Variants in CD38 observed in about 807,000 individuals in gnomAD.
The protein encoded by CD38 is ADP-ribosyl cyclase/cyclic ADP-ribose hydrolase 1.
CD38 carries 31 observed loss-of-function variants against 36.3 expected under a neutral mutation model. The ratio of observed to expected loss-of-function variants is 0.85; its 90% CI spans 0.64 to 1.15. CD38 has a LOEUF of 1.15. Ranked by LOEUF, CD38 falls within the 50% of genes most tolerant of loss-of-function variation. The pLI is 0.00. For missense variants in CD38, 380 were observed against 371.9 expected, an observed-to-expected ratio of 1.02 and a Z score of -0.18; for synonymous variants, 131 against 135.2, an observed-to-expected ratio of 0.97 and a Z score of 0.22.
Position 15,839,377 on chromosome 4 carries a change from T to A in CD38, c.660-649T>A, listed in dbSNP as rs991763264. Among the ~76,000 whole-genome samples the A allele has an allele frequency of 2.6e-5, 4 of 150,944 alleles. No individual in the cohort carries two copies. The South Asian group carries it at 8.4e-4, about 32-fold the overall frequency. On this transcript the variant is annotated intron_variant, in intron 5 of 7. Transcript: ENST00000226279. Reference sequence around the variant, plus strand: ...CACGTGGGGATTGTTCAACTGCAGATCATTTCAGCAGGTTATAGTGGTTGA... The same window carrying A: ...CACGTGGGGATTGTTCAACTGCAGAACATTTCAGCAGGTTATAGTGGTTGA...
intron 1 of CD38, among the ~76,000 whole-genome samples, chr4:15,802,487 G>GTTTTAT (rs1553873239): frequency 3.3e-5 from 4 of 122,178 alleles, no homozygotes; most frequent in Non-Finnish European, 7.6e-5. Context: ...CAAAGCAATT[G>GTTTTAT]TTTGTTTTAT....
chr4:15,790,458 G>C (rs1293671661), intron 1 of CD38, among the ~76,000 whole-genome samples: 2 of 151,998 alleles, frequency 1.3e-5, no homozygotes, highest in Non-Finnish European at 2.9e-5. Flanking sequence ...GATTGCGGAC[G>C]GAGTCTCGTT....
chr4:15,816,979 A>G (rs1163418516), intron 2 of CD38, among the ~76,000 whole-genome samples: 1 of 152,232 alleles, frequency 6.6e-6, no homozygotes, highest in African/African-American at 2.4e-5. Context: ...CTGACCTATG[A>G]TAATAATAGT....
chr4:15,830,120 G>T (rs1034427107), intron 3 of CD38, among the ~76,000 whole-genome samples: 3 of 152,166 alleles, frequency 2.0e-5, no homozygotes, highest in East Asian at 3.9e-4. Flanking sequence ...CAGTGGCATT[G>T]CTGGATCATA....
chr4:15,778,540 C>T lies in CD38; in HGVS notation c.126C>T (p.Val42=), dbSNP rs770704687. 1 of 1,613,250 alleles carries T rather than the reference C, an allele frequency of 6.2e-7. No individual in the cohort carries two copies. Among genetic ancestry groups the T allele is most frequent in the Non-Finnish European group, 8.5e-7 (1 of 1,179,970 alleles). The stretch of plus-strand genomic sequence containing the variant: ...TCCTCGTCGTGGTGCTCGCGGTGGT[C>T]GTCCCGAGGTGGCGCCAGCAGTGGA... The part of the protein sequence containing the change: ...VLILVVVLAV[V]VPRWRQQWSG... The change falls in exon 1 of 8, where the codon GTC becomes GTT. Residue 42 remains valine, a synonymous_variant. Transcript: ENST00000226279. The surrounding 1 kb of genome is among the most constrained non-coding windows in gnomAD (Gnocchi z 4.9).
chr4:15,830,767 A>G (rs796615538), intron 3 of CD38, among the ~76,000 whole-genome samples: 12 of 151,830 alleles, frequency 7.9e-5, no homozygotes, highest in African/African-American at 2.2e-4. Flanking sequence ...ATCTATTTTG[A>G]TTTTATTTTT....
At chr4:15,792,616 T>A (rs1008679887) in intron 1 of CD38, among the ~76,000 whole-genome samples, 41 of 152,168 alleles carry the variant, frequency 2.7e-4, no homozygotes, top group African/African-American at 9.9e-4. Context: ...ATTCTGCTGT[T>A]CTTATTTCAT....
rs1723257238 is a variant in CD38 at position 15,802,740 on chromosome 4, T to G, written c.234-13771T>G. The stretch of plus-strand genomic sequence containing the variant: ...CCCTATTTTTAGTAGAGATAGGGTT[T>G]CACCATGTTGGCCAGGCTGGTCTCA... On this transcript the variant is annotated intron_variant, in intron 1 of 7. Transcript: ENST00000226279. 2.0e-5 allele frequency among the ~76,000 whole-genome samples: 3 copies of G among 151,978 alleles called. No individual in the cohort carries two copies. In the South Asian group the frequency reaches 6.2e-4, roughly 32 times the overall value.
chr4:15,781,057 A>G (rs1722685461), intron 1 of CD38, among the ~76,000 whole-genome samples: 1 of 152,132 alleles, frequency 6.6e-6, no homozygotes, highest in African/African-American at 2.4e-5. Flanking sequence ...GCACTGAACC[A>G]AGATCCAGCC....
intron 7 of CD38, 30 bp from the exon 8 acceptor site, chr4:15,848,509 T>C (rs1436895681): frequency 1.3e-6 from 2 of 1,583,072 alleles, no homozygotes; most frequent in South Asian, 1.1e-5. Context: ...CTACGGTCTC[T>C]TGATTTCCTT....
At chr4:15,803,641 C>A (rs529062904) in intron 1 of CD38, among the ~76,000 whole-genome samples, 2 of 152,096 alleles carry the variant, frequency 1.3e-5, no homozygotes, top group South Asian at 2.1e-4. Context: ...AGCAAGAATG[C>A]AGATAAAAGG....
chr4:15,789,434 A>G (rs1722909543), intron 1 of CD38, among the ~76,000 whole-genome samples: 1 of 152,220 alleles, frequency 6.6e-6, no homozygotes, highest in East Asian at 1.9e-4. Context: ...ATCTTGAGGC[A>G]CCGAGTACAT....
intron 3 of CD38, among the ~76,000 whole-genome samples, chr4:15,826,648 G>C (rs1577655064): frequency 6.6e-6 from 1 of 151,978 alleles, no homozygotes; most frequent in Non-Finnish European, 1.5e-5. Flanking sequence ...GCTCATACCT[G>C]CAATCCCAGC....
intron 2 of CD38, 168 bp downstream of exon 2, chr4:15,816,808 A>AC: frequency 5.7e-6 from 4 of 702,806 alleles, no homozygotes; most frequent in Non-Finnish European, 1.0e-5. Flanking sequence ...GCCATGATAT[A>AC]ATTAAGATTT....
intron 3 of CD38, among the ~76,000 whole-genome samples, chr4:15,827,941 T>C (rs902782881): frequency 3.9e-5 from 6 of 152,202 alleles, no homozygotes; most frequent in Non-Finnish European, 8.8e-5. Context: ...TATGTATTTG[T>C]GGGGTGAAAA....
At chr4:15,786,308 T>TGTTTTACAGAGAGCTGATTGGTCC (rs1722828282) in intron 1 of CD38, among the ~76,000 whole-genome samples, 1 of 152,196 alleles carries the variant, frequency 6.6e-6, no homozygotes, top group Non-Finnish European at 1.5e-5. Flanking sequence ...CTGATTGGTC[T>TGTTTTACAGAGAGCTGATTGGTCC]GTTTTACAGA....
chr4:15,784,627 C>CA (rs1461748125), intron 1 of CD38, among the ~76,000 whole-genome samples: 4 of 152,184 alleles, frequency 2.6e-5, no homozygotes, highest in African/African-American at 7.2e-5. Flanking sequence ...ACCACCTGCT[C>CA]AACATCAGTG....
chr4:15,793,153 T>G (rs534616194), intron 1 of CD38, among the ~76,000 whole-genome samples: 2 of 152,178 alleles, frequency 1.3e-5, no homozygotes, highest in Non-Finnish European at 2.9e-5. Flanking sequence ...CTGAAACGTT[T>G]TCTTCCCTTG....
chr4:15,790,596 A>C (rs1320831224), intron 1 of CD38, among the ~76,000 whole-genome samples: 2 of 146,686 alleles, frequency 1.4e-5, no homozygotes, highest in African/African-American at 2.5e-5. Context: ...CCCGGCCGCC[A>C]CCCCGTCTGG....
Sources: allele counts gnomAD v4.1 joint callset (sites outside exome capture counted in the v4.1 genomes callset), GRCh38; gene constraint gnomAD v4.1.1; non-coding constraint Gnocchi (gnomAD v3.1); transcripts MANE v1.5; gene names NCBI Gene and HGNC (gene_info 2026-07-23, HGNC 2026-07-21).